MRPL18: variants seen among roughly 807,000 people sequenced by gnomAD.
MRPL18 encodes the protein large ribosomal subunit protein uL18m.
MRPL18 carries 16 observed loss-of-function variants against 20.9 expected under a neutral mutation model. The ratio of observed to expected loss-of-function variants is 0.76; its 90% CI spans 0.52 to 1.16. MRPL18 has a LOEUF of 1.16. Ranked by LOEUF, MRPL18 falls within the 50% of genes most tolerant of loss-of-function variation. The pLI is 0.00. For missense variants in MRPL18, 233 were observed against 230.6 expected, an observed-to-expected ratio of 1.01 and a Z score of -0.07; for synonymous variants, 91 against 87.1, an observed-to-expected ratio of 1.04 and a Z score of -0.25.
At chr6:159,793,568 A>G (rs1179965108) in intron 2 of MRPL18, among the ~76,000 whole-genome samples, 1 of 152,186 alleles carries the variant, frequency 6.6e-6, no homozygotes, top group Non-Finnish European at 1.5e-5. Context: ...TAAAATATTT[A>G]CTATCTGGCA....
At chr6:159,797,666 A>G in intron 3 of MRPL18, 148 bp downstream of exon 3, 2 of 706,712 alleles carry the variant, frequency 2.8e-6, no homozygotes, top group Non-Finnish European at 4.7e-6. Context: ...ACTTCATTTA[A>G]TCCTCACATC....
chr6:159,793,925 G>A (rs1449556194), intron 2 of MRPL18, among the ~76,000 whole-genome samples: 3 of 150,200 alleles, frequency 2.0e-5, no homozygotes, highest in African/African-American at 7.3e-5. Flanking sequence ...AAAAAAAAAA[G>A]AGATTGTGAT....
At chr6:159,796,191 A>G (rs1372153883) in intron 2 of MRPL18, among the ~76,000 whole-genome samples, 1 of 138,300 alleles carries the variant, frequency 7.2e-6, no homozygotes, top group African/African-American at 2.8e-5. Flanking sequence ...TTTTTATGCC[A>G]TATGAGGGGC....
At chr6:159,793,258 C>A (rs563245495) in intron 2 of MRPL18, among the ~76,000 whole-genome samples, 1 of 152,144 alleles carries the variant, frequency 6.6e-6, no homozygotes, top group African/African-American at 2.4e-5. Context: ...TAGGAAATGA[C>A]CTTTGACATA....
chr6:159,790,895 A>G (rs1780865831), intron 1 of MRPL18, 45 bp from the exon 2 acceptor site: 1 of 1,609,028 alleles, frequency 6.2e-7, no homozygotes, highest in Admixed American at 1.7e-5. Flanking sequence ...TGCGCTGTCC[A>G]TATCCGTCAT....
chr6:159,795,458 C>A (rs1015163245), intron 2 of MRPL18, among the ~76,000 whole-genome samples: 3 of 92,852 alleles, frequency 3.2e-5, no homozygotes, highest in Non-Finnish European at 7.1e-5. Context: ...TGACTCTTAA[C>A]GAGCATGCTG....
At chr6:159,797,917 T>C (rs776747495) in intron 3 of MRPL18, 135 bp from the exon 4 acceptor site, 80 of 708,634 alleles carry the variant, frequency 1.1e-4, no homozygotes, top group Admixed American at 1.8e-4. Context: ...GATCACTTTC[T>C]GAAAAACCGT....
rs1170750062 is a variant in MRPL18 at position 159,798,314 on chromosome 6, C to T, written c.*191C>T. 1 of 476,198 alleles carries T rather than the reference C, an allele frequency of 2.1e-6. No individual in the cohort carries two copies. Among genetic ancestry groups the T allele is most frequent in the East Asian group, 3.4e-5 (1 of 29,328 alleles). 29.5% of individuals were successfully genotyped at this position (476,198 alleles called of 1,614,324 possible). A position where few individuals can be genotyped will look rare whatever the true frequency, so the allele number is the denominator to read the frequency against. ...TTAAATCAAGAACTACGTTCTGCCC[C>T]TCTCTTGGGCTTCAGAAGCATCTAA... On this transcript the variant is annotated 3_prime_UTR_variant, in exon 4 of 4. Transcript: ENST00000367034.
chr6:159,796,954 CAA>C (rs1162347792), intron 2 of MRPL18, among the ~76,000 whole-genome samples: 4 of 152,246 alleles, frequency 2.6e-5, no homozygotes, highest in Admixed American at 2.6e-4. Context: ...TAAATAAAAG[CAA>C]AGAGTAAGTA....
chr6:159,796,356 T>A (rs1179626884), intron 2 of MRPL18, among the ~76,000 whole-genome samples: 2 of 151,744 alleles, frequency 1.3e-5, no homozygotes, highest in Non-Finnish European at 2.9e-5. Context: ...GGCATGCGCC[T>A]GTAGTCCCAG....
intron 2 of MRPL18, among the ~76,000 whole-genome samples, chr6:159,796,375 G>A (rs1258950861): frequency 6.6e-6 from 1 of 151,642 alleles, no homozygotes; most frequent in Non-Finnish European, 1.5e-5. Context: ...AGCCACTTGG[G>A]AGGTTGAGGT....
intron 2 of MRPL18, among the ~76,000 whole-genome samples, chr6:159,792,948 C>CA (rs1780937561): frequency 6.6e-6 from 1 of 152,026 alleles, no homozygotes; most frequent in African/African-American, 2.4e-5. Flanking sequence ...GGACTGCAGG[C>CA]ACACACTACC....
At chr6:159,796,721 C>CTACA (rs1349056834) in intron 2 of MRPL18, among the ~76,000 whole-genome samples, 1 of 152,122 alleles carries the variant, frequency 6.6e-6, no homozygotes, top group Non-Finnish European at 1.5e-5. Flanking sequence ...GGGTTTGAGG[C>CTACA]TACAGTGAGC....
Position 159,791,118 on chromosome 6 carries a change from C to T in MRPL18, c.231C>T (p.Phe77=). 10 of 1,614,162 alleles carry T rather than the reference C, an allele frequency of 6.2e-6. No individual in the cohort carries two copies. Among genetic ancestry groups the T allele is most frequent in the South Asian group, 2.2e-5 (2 of 91,076 alleles). The part of the protein sequence containing the change: ...GWRTVFPSRE[F]WHRLRVIRTQ... ...GGACGGTGTTTCCCTCCCGTGAGTT[C>T]TGGCACAGGTAATTAAATCTGCTTG... Residue 77 remains phenylalanine (F), a synonymous_variant, in exon 2 of 4, where the codon TTC becomes TTT. Transcript: ENST00000367034.
In MRPL18 at chr6:159,790,506, G is replaced by C; in HGVS notation, c.-82G>C. ...CTACAGCAGCCAAAGGCTTGTCCCT[G>C]ACTTTATATGGCTGCTCCTGGCGAG... On this transcript the variant is annotated 5_prime_UTR_variant, in exon 1 of 4. Coordinates refer to ENST00000367034, the MANE Select transcript of MRPL18 (RefSeq NM_014161.5). 3 of 1,595,202 alleles carry C rather than the reference G, an allele frequency of 1.9e-6. No individual in the cohort carries two copies. Among genetic ancestry groups the C allele is most frequent in the Non-Finnish European group, 2.6e-6 (3 of 1,164,336 alleles).
chr6:159,790,760 A>C (rs950249742), intron 1 of MRPL18, 121 bp downstream of exon 1: 9 of 1,441,456 alleles, frequency 6.2e-6, no homozygotes, highest in African/African-American at 1.4e-5. Context: ...CGGCACTGCG[A>C]AGACCACAGT....
chr6:159,790,820 A>G (rs1780862235), intron 1 of MRPL18, 120 bp from the exon 2 acceptor site: 4 of 1,415,072 alleles, frequency 2.8e-6, no homozygotes, highest in South Asian at 2.7e-5. Flanking sequence ...GGGCATACGT[A>G]TTTTTCGTCC....
In MRPL18 at chr6:159,790,967, G is replaced by C. The variant is rs1780872183; in HGVS notation, c.80G>C (p.Ser27Thr). 6.2e-7 allele frequency: 1 copy of C among 1,614,184 alleles called. No individual in the cohort carries two copies. The highest frequency in any genetic ancestry group is 2.2e-5 in the East Asian group (1 of 44,888). ...PGCRFAALSTSSEPAAKPEVD... is the reference protein window; with the variant it reads ...PGCRFAALSTTSEPAAKPEVD... ...TGCAGGTTCGCAGCCCTGTCAACCA[G>C]CTCCGAGCCGGCAGCGAAACCTGAA... Residue 27 changes from serine (S) to threonine (T), a missense_variant, in exon 2 of 4, where the codon AGC (serine) becomes ACC (threonine). Transcript: ENST00000367034.
At chr6:159,793,874 T>G (rs1227156579) in intron 2 of MRPL18, among the ~76,000 whole-genome samples, 2 of 151,202 alleles carry the variant, frequency 1.3e-5, no homozygotes, top group African/African-American at 4.9e-5. Flanking sequence ...ATCGCGCCAC[T>G]GCACTCCAGC....
Sources: gnomAD v4.1 joint callset for allele counts (sites outside exome capture counted in the v4.1 genomes callset) on GRCh38, gnomAD v4.1.1 for gene constraint, MANE v1.5 for transcripts, NCBI Gene and HGNC (gene_info 2026-07-23, HGNC 2026-07-21) for gene names.